SSBP3: variants seen among roughly 807,000 people sequenced by gnomAD.
SSBP3 encodes single stranded DNA binding protein 3.
SSBP3 carries 5 observed loss-of-function variants against 69.6 expected under a neutral mutation model. The observed-to-expected ratio is 0.07, with a 90% CI of 0.04 to 0.15. The LOEUF is 0.15. Among genes scored for constraint, SSBP3 ranks in the 10% least tolerant of loss-of-function variants. The pLI, the probability that SSBP3 is intolerant of heterozygous loss-of-function variation, is 1.00. For missense variants in SSBP3, 312 were observed against 534.0 expected (o/e 0.58, Z 4.10); for synonymous variants, 196 against 193.4 (o/e 1.01, Z -0.11).
rs563535483 is a variant in SSBP3, at chr1:54,252,985, G to C, written c.508-1125C>G. ...GCTGAGTGGGGAGCTCTCCTGCCTT[G>C]AGCTCAATAGTGAACTTCAAACCGG... On this transcript the variant is annotated intron_variant, in intron 7 of 17. Transcript: ENST00000610401. Among the ~76,000 whole-genome samples, 262 of 152,210 alleles carry C rather than the reference G, an allele frequency of 1.7e-3. 2 individuals carry two copies. The highest frequency in any genetic ancestry group is 6.0e-3 in the African/African-American group (248 of 41,546).
intron 4 of SSBP3, among the ~76,000 whole-genome samples, chr1:54,304,765 G>A (rs1645867117): frequency 6.6e-6 from 1 of 152,220 alleles, no homozygotes; most frequent in Non-Finnish European, 1.5e-5. Context: ...TGCTGTCAGA[G>A]AACAGACAGG....
At chr1:54,291,891 C>T (rs529744391) in intron 4 of SSBP3, among the ~76,000 whole-genome samples, 8 of 152,328 alleles carry the variant, frequency 5.3e-5, no homozygotes, top group South Asian at 4.1e-4. Context: ...GGTGCGAGCC[C>T]GCATCCTGCT....
chr1:54,267,050 T>C (rs569224972), intron 5 of SSBP3, among the ~76,000 whole-genome samples: 2 of 152,330 alleles, frequency 1.3e-5, no homozygotes, highest in African/African-American at 4.8e-5. Flanking sequence ...TTGAGTTCTT[T>C]TGGCAGGTTC....
At chr1:54,336,194 G>C (rs1464296923) in intron 4 of SSBP3, among the ~76,000 whole-genome samples, 2 of 152,220 alleles carry the variant, frequency 1.3e-5, no homozygotes, top group Non-Finnish European at 2.9e-5. Context: ...ATCCATTCCA[G>C]AAAGACTATA....
At chr1:54,295,231 C>A (rs1262965673) in intron 4 of SSBP3, among the ~76,000 whole-genome samples, 1 of 152,188 alleles carries the variant, frequency 6.6e-6, no homozygotes, top group Non-Finnish European at 1.5e-5. Context: ...CTCTGCCCCA[C>A]CCCTGTGCTG....
intron 4 of SSBP3, among the ~76,000 whole-genome samples, chr1:54,337,034 G>A (rs1226282483): frequency 2.0e-5 from 3 of 152,202 alleles, no homozygotes; most frequent in Admixed American, 6.5e-5. Flanking sequence ...AGCTCTCAAC[G>A]TCAGCCTCTG....
In SSBP3 at chr1:54,401,851, T is replaced by A; in HGVS notation, c.276+10A>T. 6.2e-7 allele frequency: 1 copy of A among 1,609,454 alleles called. No homozygotes were observed. On this transcript the variant is annotated intron_variant, in intron 4 of 17. Coordinates refer to ENST00000610401, the Ensembl canonical transcript of SSBP3. Reference sequence around the variant, plus strand: ...ATAATTATTGCTAGGATTAAAAATATGTTACTCACATAATCATGAAAGGCT... The same window carrying A: ...ATAATTATTGCTAGGATTAAAAATAAGTTACTCACATAATCATGAAAGGCT...
At chr1:54,391,377 A>G (rs1410760534) in intron 4 of SSBP3, among the ~76,000 whole-genome samples, 6 of 152,218 alleles carry the variant, frequency 3.9e-5, no homozygotes, top group Admixed American at 3.3e-4. Flanking sequence ...TCCCATGTAC[A>G]GCCCACAACA....
rs1186499910 is a variant in SSBP3, at chr1:54,348,000, C to A, written c.276+53861G>T. ...AAGGCTCTCAACACTCTCAGCCACC[C>A]AATCACCCACCCCTTTCCTCACTGT... On this transcript the variant is annotated intron_variant, in intron 4 of 17. Coordinates refer to ENST00000610401, the Ensembl canonical transcript of SSBP3. Among the ~76,000 whole-genome samples, 6 of 152,286 alleles carry A rather than the reference C, an allele frequency of 3.9e-5. No individual in the cohort carries two copies. In the South Asian group the frequency reaches 8.3e-4, roughly 21 times the overall value.
At chr1:54,376,016 G>C (rs1038317151) in intron 4 of SSBP3, among the ~76,000 whole-genome samples, 1 of 151,998 alleles carries the variant, frequency 6.6e-6, no homozygotes, top group Non-Finnish European at 1.5e-5. Context: ...GGGAGGGAGG[G>C]GGAGGAAAGA....
intron 4 of SSBP3, among the ~76,000 whole-genome samples, chr1:54,344,884 A>G (rs1646663709): frequency 6.6e-6 from 1 of 152,226 alleles, no homozygotes. Context: ...AAGGTCTCCC[A>G]CTGCTTGAGC....
At chr1:54,353,974 T>C (rs562105216) in intron 4 of SSBP3, among the ~76,000 whole-genome samples, 2 of 152,212 alleles carry the variant, frequency 1.3e-5, no homozygotes, top group South Asian at 2.1e-4. Flanking sequence ...CCCCAAATCA[T>C]ACAGGGACTA....
rs147720241 is a variant in SSBP3, at chr1:54,334,283, C to T, written c.277-52756G>A. Among the ~76,000 whole-genome samples, 1,287 of 150,420 alleles carry T rather than the reference C, an allele frequency of 8.6e-3. 25 individuals are homozygous for T. The highest frequency in any genetic ancestry group is 0.03 in the African/African-American group (1,211 of 40,948). ...AGGAGAATCACTTGAACCCGGGAGGCGGAGGTTGAAGTGAGCTGAGATTGG... is the reference window on the plus strand; with the variant it reads ...AGGAGAATCACTTGAACCCGGGAGGTGGAGGTTGAAGTGAGCTGAGATTGG... On this transcript the variant is annotated intron_variant, in intron 4 of 17. Transcript: ENST00000610401.
Position 54,258,267 on chromosome 1 carries a change from G to T in SSBP3, c.367-118C>A. ...AGGGTGGGCGGCGGGCGTGCGGGGG[G>T]GTGGGCTCTGGTTGGTGGGAGGTGG... On this transcript the variant is annotated intron_variant, in intron 5 of 17. Coordinates refer to ENST00000610401, the Ensembl canonical transcript of SSBP3. This position sits in a 1 kb window ranked among gnomAD's most constrained non-coding sequence, Gnocchi z 4.5. 1 of 753,844 alleles carries T rather than the reference G, an allele frequency of 1.3e-6. No individual in the cohort carries two copies. Among genetic ancestry groups the T allele is most frequent in the South Asian group, 2.9e-5 (1 of 34,596 alleles). The allele number at this position is 753,844 out of a possible 1,614,324, so 46.7% of individuals were successfully genotyped here.
chr1:54,398,167 A>C (rs12071165), intron 4 of SSBP3, among the ~76,000 whole-genome samples: 84 of 152,316 alleles, frequency 5.5e-4, no homozygotes, highest in African/African-American at 1.7e-3. Flanking sequence ...CAAGCCACCT[A>C]AACTCTAGGG....
chr1:54,338,451 G>A (rs534872291), intron 4 of SSBP3, among the ~76,000 whole-genome samples: 6 of 152,164 alleles, frequency 3.9e-5, no homozygotes, highest in Non-Finnish European at 7.4e-5. Flanking sequence ...ATGGCTGCCC[G>A]CCTATGCTTC....
rs1420413220 is a variant in SSBP3, at chr1:54,316,658, AATAAAATAAATAAATAAAT to A, written c.277-35150_277-35132del. ...GCGAGACTCCGTCTCAAAAAAAAAA[AATAAAATAAATAAATAAAT>A]AAATAAATAAATAAATAAATAAATA... is the stretch of plus-strand genomic sequence containing the variant. On this transcript the variant is annotated intron_variant, in intron 4 of 17. Coordinates refer to ENST00000610401, the Ensembl canonical transcript of SSBP3. Among the ~76,000 whole-genome samples, 20 of 50,182 alleles carry A rather than the reference AATAAAATAAATAAATAAAT, an allele frequency of 4.0e-4. 1 individual carries two copies. The highest frequency in any genetic ancestry group is 7.8e-3 in the Middle Eastern group (1 of 128). 32.9% of individuals were successfully genotyped at this position (50,182 alleles called of 152,430 possible).
intron 7 of SSBP3, among the ~76,000 whole-genome samples, chr1:54,254,005 G>C (rs960921516): frequency 1.3e-5 from 2 of 152,232 alleles, no homozygotes; most frequent in Non-Finnish European, 2.9e-5. Context: ...CTGAGACAGG[G>C]ACAGACAGTC....
At chr1:54,253,965 C>A (rs1352127393) in intron 7 of SSBP3, among the ~76,000 whole-genome samples, 1 of 152,360 alleles carries the variant, frequency 6.6e-6, no homozygotes, top group South Asian at 2.1e-4. Flanking sequence ...CAGAGGGGAC[C>A]TGGAGGTCGC....
Sources: gnomAD v4.1 joint callset for allele counts (sites outside exome capture counted in the v4.1 genomes callset) on GRCh38, gnomAD v4.1.1 for gene constraint, Gnocchi (gnomAD v3.1) non-coding constraint, MANE v1.5 for transcripts, NCBI Gene and HGNC (gene_info 2026-07-23, HGNC 2026-07-21) for gene names.